The following ADCY9 variants were observed in gnomAD, a reference collection of about 807,000 sequenced individuals.
The protein encoded by ADCY9 is adenylate cyclase 9.
ADCY9 carries 50 observed loss-of-function variants against 101.5 expected under a neutral mutation model. The ratio of observed to expected loss-of-function variants is 0.49; its 90% confidence interval spans 0.39 to 0.62. ADCY9 has a LOEUF of 0.62. Ranked by LOEUF, ADCY9 falls within the 20% of genes least tolerant of loss-of-function variation. The pLI is 0.00. For synonymous variants in ADCY9, 905 were observed against 769.3 expected (o/e 1.18, Z -2.92); for missense variants, 1,662 against 1,800.4 (o/e 0.92, Z 1.39).
rs995407080 is a variant in ADCY9 at position 4,034,048 on chromosome 16, T to A, written c.1694-26490A>T. Among the ~76,000 whole-genome samples, 5 of 152,148 alleles carry A rather than the reference T, an allele frequency of 3.3e-5. No individual in the cohort carries two copies. The South Asian group carries it at 8.3e-4, about 25-fold the overall frequency. On this transcript the variant is annotated intron_variant, in intron 2 of 10. Coordinates refer to ENST00000294016, the MANE Select transcript of ADCY9 (RefSeq NM_001116.4). ...GGGGAACAACGAAAGATTTGGTGGG[T>A]TTCAGAAGAGGTACAGGCCTGATGG...
chr16:4,068,829 AAAC>A (rs2056816184), intron 2 of ADCY9, among the ~76,000 whole-genome samples: 1 of 151,948 alleles, frequency 6.6e-6, no homozygotes, highest in African/African-American at 2.4e-5. Context: ...AAAAAAAAAA[AAAC>A]AATTCACGGT....
intron 3 of ADCY9, among the ~76,000 whole-genome samples, chr16:4,003,233 C>T (rs1005192145): frequency 3.3e-5 from 5 of 152,136 alleles, no homozygotes; most frequent in Non-Finnish European, 5.9e-5. Context: ...AATGCTCAGC[C>T]GCAATCACTG....
intron 2 of ADCY9, among the ~76,000 whole-genome samples, chr16:4,043,794 G>C (rs548777044): frequency 3.9e-5 from 6 of 152,168 alleles, no homozygotes; most frequent in Admixed American, 6.6e-5. Flanking sequence ...AGTTAATTAA[G>C]AAAAGTACAG....
intron 2 of ADCY9, among the ~76,000 whole-genome samples, chr16:4,047,604 G>A (rs1475120202): frequency 2.6e-5 from 4 of 152,100 alleles, no homozygotes; most frequent in African/African-American, 9.7e-5. Context: ...AAACAACATG[G>A]ACACAACCCA....
intron 7 of ADCY9, 113 bp from the exon 8 acceptor site, chr16:3,979,388 C>CATCCCAGGGGCAA: frequency 7.6e-7 from 1 of 1,312,022 alleles, no homozygotes; most frequent in Non-Finnish European, 1.0e-6. Flanking sequence ...CCGTGTTGCC[C>CATCCCAGGGGCAA]CTGGGATGGG....
intron 10 of ADCY9, among the ~76,000 whole-genome samples, chr16:3,971,998 G>A (rs757659480): frequency 6.6e-6 from 1 of 152,170 alleles, no homozygotes; most frequent in African/African-American, 2.4e-5. Flanking sequence ...AGAGCACAGC[G>A]TTTGCTTTCC....
At chr16:3,995,953 G>T (rs764612515) in intron 3 of ADCY9, among the ~76,000 whole-genome samples, 1 of 152,052 alleles carries the variant, frequency 6.6e-6, no homozygotes, top group Non-Finnish European at 1.5e-5. Flanking sequence ...GATAACATTT[G>T]CTTACAGCTC....
rs374735605 is a variant in ADCY9 at position 3,983,422 on chromosome 16, C to T, written c.2329G>A (p.Val777Met). 8.1e-6 allele frequency: 13 copies of T among 1,605,570 alleles called. No individual in the cohort carries two copies. The highest frequency in any genetic ancestry group is 2.2e-5 in the East Asian group (1 of 44,588). ...YQEEVIKNSPVKTFASPTFSS... is the reference protein window; with the variant it reads ...YQEEVIKNSPMKTFASPTFSS... Reference sequence around the variant, plus strand: ...AAGGTGGGACTAGCAAACGTCTTCACGGGGGAGTTCTTTATGACCTGTGTG... The same window carrying T: ...AAGGTGGGACTAGCAAACGTCTTCATGGGGGAGTTCTTTATGACCTGTGTG... The change falls in exon 7 of 11, where the codon GTG becomes ATG. Residue 777 changes from valine to methionine, a missense_variant. By Grantham distance (21) the Val-to-Met change is conservative. Coordinates refer to ENST00000294016, the MANE Select transcript of ADCY9 (RefSeq NM_001116.4).
chr16:4,036,470 T>TTG (rs2056590902), intron 2 of ADCY9, among the ~76,000 whole-genome samples: 1 of 142,904 alleles, frequency 7.0e-6, no homozygotes, highest in African/African-American at 2.6e-5. Context: ...TTGTTTTTTT[T>TTG]TTTTTTTTTT....
At chr16:4,007,743 G>A (rs112517514) in intron 2 of ADCY9, among the ~76,000 whole-genome samples, 185 bp from the exon 3 acceptor site, 8,147 of 152,036 alleles carry the variant, frequency 0.054, 382 homozygotes, top group African/African-American at 0.13. Context: ...CAGGGAGACC[G>A]TGGGCCCCCG....
At position 3,965,578 on chromosome 16, in the gene ADCY9, G is replaced by T. The variant is rs1395509510; in HGVS notation, c.*197C>A. 6.5e-6 allele frequency: 4 copies of T among 617,510 alleles called. No individual in the cohort carries two copies. The highest frequency in any genetic ancestry group is 1.1e-5 in the Non-Finnish European group (4 of 355,750). The allele number at this position is 617,510 out of a possible 1,614,324, so 38.3% of individuals were successfully genotyped here. A position where few individuals can be genotyped will look rare whatever the true frequency, so the allele number is the denominator to read the frequency against. On this transcript the variant is annotated 3_prime_UTR_variant, in exon 11 of 11. Transcript: ENST00000294016. ...TGACCCAGAGGCAGCGGGGTTTCCA[G>T]GGAAGGGAGCGAAAGGGAAGAATGG...
At chr16:4,082,800 T>C (rs892147318) in intron 2 of ADCY9, among the ~76,000 whole-genome samples, 2 of 152,236 alleles carry the variant, frequency 1.3e-5, no homozygotes, top group African/African-American at 2.4e-5. Flanking sequence ...AGTAAGTAGC[T>C]GGAGCAGGGT....
At chr16:4,072,783 G>A (rs1431546035) in intron 2 of ADCY9, among the ~76,000 whole-genome samples, 1 of 151,908 alleles carries the variant, frequency 6.6e-6, no homozygotes, top group East Asian at 1.9e-4. Flanking sequence ...CCAAATTGTC[G>A]AAAACTAAAA....
chr16:4,073,811 C>T (rs955835959), intron 2 of ADCY9, among the ~76,000 whole-genome samples: 67 of 115,790 alleles, frequency 5.8e-4, no homozygotes, highest in Non-Finnish European at 1.2e-3. Flanking sequence ...GTTTTTCAGT[C>T]GGGAGATGAG....
intron 3 of ADCY9, among the ~76,000 whole-genome samples, chr16:4,004,514 C>T (rs1338228077): frequency 6.6e-6 from 1 of 152,332 alleles, no homozygotes; most frequent in South Asian, 2.1e-4. Context: ...CAGTTCTGCT[C>T]GGGCTTCTGA....
At chr16:4,021,328 A>G (rs777080557) in intron 2 of ADCY9, among the ~76,000 whole-genome samples, 1 of 152,218 alleles carries the variant, frequency 6.6e-6, no homozygotes, top group African/African-American at 2.4e-5. Context: ...GTGTTTCAGG[A>G]AAGGTATTAC....
At chr16:4,045,930 G>T (rs988504598) in intron 2 of ADCY9, among the ~76,000 whole-genome samples, 3 of 121,384 alleles carry the variant, frequency 2.5e-5, no homozygotes, top group Admixed American at 1.1e-4. Flanking sequence ...GGCTGGTCTT[G>T]AACTCCTAGG....
chr16:4,074,908 C>T (rs938262969), intron 2 of ADCY9, among the ~76,000 whole-genome samples: 13 of 151,746 alleles, frequency 8.6e-5, no homozygotes, highest in Non-Finnish European at 1.5e-5. Context: ...GGTATAGTGG[C>T]TCACACCTGT....
chr16:3,989,114 T>C lies in ADCY9; in HGVS notation c.2208-18A>G, dbSNP rs775811102. 3 of 1,567,810 alleles carry C rather than the reference T, an allele frequency of 1.9e-6. No homozygotes were observed. Among genetic ancestry groups the C allele is most frequent in the East Asian group, 4.5e-5 (2 of 44,660 alleles). On this transcript the variant is annotated intron_variant, in intron 5 of 10. Transcript: ENST00000294016. ...TCATCAGGCTAGAAGACACAACAAA[T>C]GCAGTCGATCAATACCCAGCACCAT...
Sources: gnomAD v4.1 joint callset for allele counts (sites outside exome capture counted in the v4.1 genomes callset) on GRCh38, gnomAD v4.1.1 for gene constraint, MANE v1.5 for transcripts, NCBI Gene and HGNC (gene_info 2026-07-23, HGNC 2026-07-21) for gene names.